Variants in PDE1A observed in about 807,000 individuals in gnomAD.
PDE1A encodes dual specificity calcium/calmodulin-dependent 3',5'-cyclic nucleotide phosphodiesterase 1A.
PDE1A carries 35 observed loss-of-function variants against 61.7 expected under a neutral mutation model. The ratio of observed to expected loss-of-function variants is 0.57; its 90% CI spans 0.43 to 0.75. The LOEUF is 0.75. Ranked by LOEUF, PDE1A falls within the 30% of genes least tolerant of loss-of-function variation. PDE1A has a pLI of 0.00. For synonymous variants in PDE1A, 232 were observed against 213.2 expected (o/e 1.09, Z -0.77); for missense variants, 597 against 630.6 (o/e 0.95, Z 0.57).
chr2:182,555,501 G>A, the PDE1A span, among the ~76,000 whole-genome samples: 3 of 152,140 alleles, frequency 2.0e-5, no homozygotes, highest in Non-Finnish European at 4.4e-5. Flanking sequence ...ATAGTGCAGT[G>A]AAAAACGTCA....
At chr2:182,388,381 C>T (rs1173030525) in intron 1 of PDE1A, among the ~76,000 whole-genome samples, 1 of 152,148 alleles carries the variant, frequency 6.6e-6, no homozygotes, top group Non-Finnish European at 1.5e-5. Context: ...ACATTCTTCT[C>T]AACTGCACAC....
At chr2:182,271,231 A>C in intron 1 of PDE1A, among the ~76,000 whole-genome samples, 1 of 151,696 alleles carries the variant, frequency 6.6e-6, no homozygotes, top group Admixed American at 6.6e-5. Flanking sequence ...GGATATGTTA[A>C]TTTGCTTGAG....
chr2:182,537,185 G>A, the PDE1A span, among the ~76,000 whole-genome samples: 2 of 152,212 alleles, frequency 1.3e-5, no homozygotes, highest in African/African-American at 4.8e-5. Context: ...GGAAGAAGCA[G>A]AGTAAAGGAA....
At chr2:182,381,003 G>A (rs1700701774) in intron 1 of PDE1A, among the ~76,000 whole-genome samples, 1 of 152,152 alleles carries the variant, frequency 6.6e-6, no homozygotes. Flanking sequence ...ACTAGCCATG[G>A]CAGATGTGAT....
the PDE1A span, among the ~76,000 whole-genome samples, chr2:182,646,568 C>T: frequency 1.3e-5 from 2 of 151,944 alleles, no homozygotes; most frequent in South Asian, 2.1e-4. Context: ...GCCTGTAATC[C>T]CAGCTATTCG....
chr2:182,509,789 C>T (rs1179783989), intron 2 of PDE1A, among the ~76,000 whole-genome samples: 1 of 152,156 alleles, frequency 6.6e-6, no homozygotes, highest in Non-Finnish European at 1.5e-5. Flanking sequence ...AGTTGTTCAG[C>T]TTTGTCTTAT....
At chr2:182,598,122 T>A in the PDE1A span, among the ~76,000 whole-genome samples, 4 of 152,328 alleles carry the variant, frequency 2.6e-5, no homozygotes, top group Admixed American at 2.0e-4. Flanking sequence ...CATAACAGCT[T>A]CATCTTCAAA....
chr2:182,463,102 G>T (rs1432403177), intron 2 of PDE1A, among the ~76,000 whole-genome samples: 1 of 151,906 alleles, frequency 6.6e-6, no homozygotes, highest in Non-Finnish European at 1.5e-5. Flanking sequence ...TTAGCCAGGC[G>T]TGATGGCATG....
At chr2:182,592,833 A>T in the PDE1A span, among the ~76,000 whole-genome samples, 4 of 152,210 alleles carry the variant, frequency 2.6e-5, no homozygotes, top group Admixed American at 1.3e-4. Context: ...GTCAAAACAG[A>T]CATCTCTTTC....
chr2:182,314,683 C>T (rs549223600), intron 1 of PDE1A: 1 of 151,950 alleles, frequency 6.6e-6, no homozygotes, highest in South Asian at 2.1e-4. Flanking sequence ...GACCAGGAGG[C>T]CAGAGAAAAA....
intron 2 of PDE1A, among the ~76,000 whole-genome samples, chr2:182,492,314 A>C (rs540096131): frequency 4.6e-5 from 7 of 152,152 alleles, no homozygotes; most frequent in Non-Finnish European, 7.4e-5. Context: ...TAAGTGCTCG[A>C]CTTCTTAAGG....
At chr2:182,230,584 G>T (rs1339133409) in intron 5 of PDE1A, among the ~76,000 whole-genome samples, 2 of 152,122 alleles carry the variant, frequency 1.3e-5, no homozygotes, top group Non-Finnish European at 2.9e-5. Flanking sequence ...GCTACAATCT[G>T]CTCAGTAGTC....
intron 2 of PDE1A, among the ~76,000 whole-genome samples, chr2:182,510,642 A>G (rs1034785261): frequency 6.6e-6 from 1 of 152,214 alleles, no homozygotes; most frequent in Non-Finnish European, 1.5e-5. Flanking sequence ...AGGCCTAAAG[A>G]ATAATTTTCA....
chr2:182,445,670 T>C (rs577712386), intron 2 of PDE1A, among the ~76,000 whole-genome samples: 1 of 152,264 alleles, frequency 6.6e-6, no homozygotes, highest in East Asian at 1.9e-4. Flanking sequence ...ATAGAGCTTT[T>C]AATATTATTA....
At chr2:182,271,566 G>A (rs1213203889) in intron 1 of PDE1A, among the ~76,000 whole-genome samples, 1 of 152,098 alleles carries the variant, frequency 6.6e-6, no homozygotes, top group Non-Finnish European at 1.5e-5. Flanking sequence ...GTACAGAGAT[G>A]TAAACATTCA....
intron 2 of PDE1A, among the ~76,000 whole-genome samples, chr2:182,439,483 G>C (rs1412017721): frequency 6.6e-6 from 1 of 151,988 alleles, no homozygotes; most frequent in African/African-American, 2.4e-5. Context: ...TTGGGAGTCA[G>C]GAGGAGAAGT....
At chr2:182,714,454 T>G in the PDE1A span, among the ~76,000 whole-genome samples, 4 of 152,214 alleles carry the variant, frequency 2.6e-5, no homozygotes, top group Non-Finnish European at 5.9e-5. Context: ...CAGAACCCTT[T>G]ATCTTTTCCC....
At chr2:182,594,264 G>A in the PDE1A span, among the ~76,000 whole-genome samples, 20 of 152,240 alleles carry the variant, frequency 1.3e-4, no homozygotes, top group African/African-American at 4.8e-4. Flanking sequence ...CAAATGTGAA[G>A]ATAATACCAT....
intron 10 of PDE1A, among the ~76,000 whole-genome samples, chr2:182,191,927 T>G (rs1464732094): frequency 1.3e-5 from 2 of 151,746 alleles, no homozygotes; most frequent in African/African-American, 4.8e-5. Context: ...GCAATCTTGG[T>G]TCACTGTAAC....
Sources: allele counts gnomAD v4.1 joint callset (sites outside exome capture counted in the v4.1 genomes callset), GRCh38; gene constraint gnomAD v4.1.1; transcripts MANE v1.5; gene names NCBI Gene and HGNC (gene_info 2026-07-23, HGNC 2026-07-21).